Variants in SEL1L2 observed in about 807,000 individuals in gnomAD.
SEL1L2 encodes the protein protein sel-1 homolog 2.
A neutral mutation model predicts 98.8 loss-of-function variants in SEL1L2; 89 were observed. The observed-to-expected ratio is 0.90, with a 90% CI of 0.76 to 1.07. SEL1L2 has a LOEUF of 1.07. SEL1L2 is among the 50% of genes least tolerant of loss of function. The probability of loss-of-function intolerance (pLI) is 0.00; values close to 1 mark genes in which losing one functional copy is unlikely to be tolerated. For missense variants in SEL1L2, 788 were observed against 812.0 expected (o/e 0.97, Z 0.36); for synonymous variants, 262 against 278.5 (o/e 0.94, Z 0.59).
At chr20:13,963,963 C>T (rs1167257121) in intron 1 of SEL1L2, among the ~76,000 whole-genome samples, 1 of 152,050 alleles carries the variant, frequency 6.6e-6, no homozygotes, top group Non-Finnish European at 1.5e-5. Context: ...CCTCTGCCTC[C>T]TGGGTCCAAG....
rs6033842 is a variant in SEL1L2, at chr20:13,865,780, C to T, written c.1405-266G>A. Among the ~76,000 whole-genome samples the T allele has an allele frequency of 2.5e-3, 373 of 152,000 alleles. 3 individuals carry two copies. Among genetic ancestry groups the T allele is most frequent in the South Asian group, 0.02 (97 of 4,814 alleles). ...TTTTAAATTTGTATAATAAACTTTCCTGACTTGGAGGCTATTTGGAAGAAT... is the reference window on the plus strand; with the variant it reads ...TTTTAAATTTGTATAATAAACTTTCTTGACTTGGAGGCTATTTGGAAGAAT... On this transcript the variant is annotated intron_variant, in intron 15 of 19. Transcript: ENST00000284951.
At chr20:13,899,947 A>G (rs991731735) in intron 5 of SEL1L2, among the ~76,000 whole-genome samples, 5 of 152,222 alleles carry the variant, frequency 3.3e-5, no homozygotes, top group South Asian at 2.1e-4. Flanking sequence ...GTGTTCATAA[A>G]TGAAATCTGC....
chr20:13,878,876 T>G (rs1421603037), intron 10 of SEL1L2, among the ~76,000 whole-genome samples: 1 of 152,136 alleles, frequency 6.6e-6, no homozygotes, highest in East Asian at 1.9e-4. Flanking sequence ...TAAACAGCAG[T>G]GAGATAGTAG....
intron 8 of SEL1L2, among the ~76,000 whole-genome samples, chr20:13,886,756 T>G (rs2046973885): frequency 6.6e-6 from 1 of 151,876 alleles, no homozygotes; most frequent in Admixed American, 6.6e-5. Flanking sequence ...GGTATGGTGG[T>G]GCACACCTGT....
In SEL1L2 at chr20:13,849,591, C is replaced by T. The variant is rs773390427; in HGVS notation, c.1961G>A (p.Trp654Ter). 1 of 1,613,936 alleles carries T rather than the reference C, an allele frequency of 6.2e-7. No homozygotes were observed. Among genetic ancestry groups the T allele is most frequent in the Non-Finnish European group, 8.5e-7 (1 of 1,179,904 alleles). ...GGTGTTGTCCAGTTTCAGCCAGTTC[C>T]ATCTCGTTGTGAACTGCTGGCAAGA... Reference protein sequence around the residue: ...DILFFNFTTRWNWLKLDNTIG... With the variant: ...DILFFNFTTR The change falls in exon 20 of 20, where the codon TGG becomes TAG. Residue 654 changes from tryptophan to a stop codon, truncating the protein, a stop_gained. Transcript: ENST00000284951. LOFTEE classifies it high-confidence loss of function.
chr20:13,911,602 G>T (rs909760983), intron 5 of SEL1L2, among the ~76,000 whole-genome samples: 1 of 152,096 alleles, frequency 6.6e-6, no homozygotes, highest in Non-Finnish European at 1.5e-5. Context: ...TCAAGAAAGA[G>T]TTCCTGATGT....
At chr20:13,919,211 A>AT (rs2048544915) in intron 3 of SEL1L2, 88 bp from the exon 4 acceptor site, 3 of 773,808 alleles carry the variant, frequency 3.9e-6, no homozygotes, top group Non-Finnish European at 6.2e-6. Flanking sequence ...TTGTTGGCAT[A>AT]TTAGAGTTCT....
intron 4 of SEL1L2, among the ~76,000 whole-genome samples, chr20:13,918,517 A>G (rs943262721): frequency 6.6e-6 from 1 of 152,138 alleles, no homozygotes; most frequent in African/African-American, 2.4e-5. Flanking sequence ...TCACTTTAAC[A>G]TCTTTGAATC....
In SEL1L2 at chr20:13,849,426, A is replaced by G; in HGVS notation, c.*59T>C. ...GATTTGGATGGGAAACTGTTTATTTAGTGGGGATACCTTGGAGTGAACTGA... is the reference window on the plus strand; with the variant it reads ...GATTTGGATGGGAAACTGTTTATTTGGTGGGGATACCTTGGAGTGAACTGA... On this transcript the variant is annotated 3_prime_UTR_variant, in exon 20 of 20. Transcript: ENST00000284951. 6.3e-7 allele frequency: 1 copy of G among 1,589,864 alleles called. No individual in the cohort carries two copies. Among genetic ancestry groups the G allele is most frequent in the Non-Finnish European group, 8.6e-7 (1 of 1,165,594 alleles).
At chr20:13,865,315 T>C in intron 16 of SEL1L2, 34 bp downstream of exon 16, 6 of 1,607,880 alleles carry the variant, frequency 3.7e-6, no homozygotes, top group Non-Finnish European at 5.1e-6. Flanking sequence ...ATATGTATGA[T>C]TGGGGGATTG....
chr20:13,933,841 T>G (rs1294708690), intron 2 of SEL1L2, among the ~76,000 whole-genome samples: 3 of 152,164 alleles, frequency 2.0e-5, no homozygotes, highest in Admixed American at 1.3e-4. Flanking sequence ...TTTGCTTTCT[T>G]TAATAGGCCA....
intron 17 of SEL1L2, among the ~76,000 whole-genome samples, chr20:13,862,879 T>C (rs1394520949): frequency 6.6e-6 from 1 of 152,022 alleles, no homozygotes; most frequent in Non-Finnish European, 1.5e-5. Context: ...TATTTTTTTG[T>C]AGAGATGAGG....
intron 10 of SEL1L2, among the ~76,000 whole-genome samples, chr20:13,879,365 T>C (rs2046587599): frequency 1.3e-5 from 2 of 152,242 alleles, no homozygotes; most frequent in Admixed American, 6.5e-5. Context: ...AAAAAAAATT[T>C]TTTTGAGACA....
At chr20:13,949,553 A>AG (rs1467027205) in intron 2 of SEL1L2, among the ~76,000 whole-genome samples, 1 of 152,074 alleles carries the variant, frequency 6.6e-6, no homozygotes, top group Admixed American at 6.6e-5. Context: ...AGTCCCAGCT[A>AG]TCGGGAGGCT....
At chr20:13,935,907 G>A (rs2049429387) in intron 2 of SEL1L2, among the ~76,000 whole-genome samples, 1 of 152,142 alleles carries the variant, frequency 6.6e-6, no homozygotes, top group South Asian at 2.1e-4. Context: ...TGGTGATAGT[G>A]GTTGTGGTTT....
intron 3 of SEL1L2, among the ~76,000 whole-genome samples, chr20:13,928,972 G>A (rs1257341259): frequency 1.3e-5 from 2 of 152,084 alleles, no homozygotes; most frequent in African/African-American, 2.4e-5. Flanking sequence ...AGTTGTTGCC[G>A]TGATGCTGTT....
intron 3 of SEL1L2, among the ~76,000 whole-genome samples, chr20:13,924,091 T>G (rs1314822053): frequency 6.6e-6 from 1 of 152,210 alleles, no homozygotes; most frequent in Non-Finnish European, 1.5e-5. Context: ...GACTTTACCT[T>G]GAAGTCTATT....
chr20:13,932,725 C>G (rs550078758), intron 2 of SEL1L2, among the ~76,000 whole-genome samples: 1 of 152,284 alleles, frequency 6.6e-6, no homozygotes, highest in South Asian at 2.1e-4. Context: ...GCCACCACAC[C>G]CGGCCCTTTT....
chr20:13,945,198 G>T (rs1021700548), intron 2 of SEL1L2, among the ~76,000 whole-genome samples: 3 of 152,184 alleles, frequency 2.0e-5, no homozygotes, highest in Non-Finnish European at 4.4e-5. Context: ...ATCCAAAAAA[G>T]ATCTGAACAC....
Sources: gnomAD v4.1 joint callset for allele counts (sites outside exome capture counted in the v4.1 genomes callset) on GRCh38, gnomAD v4.1.1 for gene constraint, MANE v1.5 for transcripts, NCBI Gene and HGNC (gene_info 2026-07-23, HGNC 2026-07-21) for gene names.